Variants in FGD4 observed in about 807,000 individuals in gnomAD.
FGD4 encodes FYVE, RhoGEF and PH domain-containing protein 4.
A neutral mutation model predicts 102.0 loss-of-function variants in FGD4; 42 were observed. That is an observed-to-expected ratio of 0.41 (90% confidence interval 0.32 to 0.53). The LOEUF is 0.53. FGD4 is among the 20% of genes least tolerant of loss of function. The pLI, the probability that FGD4 is intolerant of heterozygous loss-of-function variation, is 0.21. For missense variants in FGD4, 902 were observed against 1,078.2 expected, an observed-to-expected ratio of 0.84 and a Z score of 2.29; for synonymous variants, 380 against 375.7, an observed-to-expected ratio of 1.01 and a Z score of -0.13.
chr12:32,510,779 T>G (rs1350238843), intron 1 of FGD4, among the ~76,000 whole-genome samples: 3 of 152,224 alleles, frequency 2.0e-5, no homozygotes, highest in Non-Finnish European at 4.4e-5. Flanking sequence ...TTGTAAGAGA[T>G]ATTGTAGACA....
Position 32,582,441 on chromosome 12 carries a change from C to A in FGD4, c.985C>A (p.Gln329Lys). 1 of 1,611,744 alleles carries A rather than the reference C, an allele frequency of 6.2e-7. No homozygotes were observed. Among genetic ancestry groups the A allele is most frequent in the Non-Finnish European group, 8.5e-7 (1 of 1,180,014 alleles). Residue 329 changes from glutamine to lysine, a missense_variant, in exon 4 of 17, where the codon CAG (glutamine) becomes AAG (lysine). Transcript: ENST00000534526. ...TGGGGAAAGCCCTCTGGAACTGGAG[C>A]AGCTGGACCAGCACCATGAGATGAA... ...ENGESPLELE[Q>K]LDQHHEMKET...
Position 32,641,468 on chromosome 12 carries a change from A to T in FGD4, c.*935A>T, listed in dbSNP as rs1389616797. 1 of 152,302 alleles carries T rather than the reference A, an allele frequency of 6.6e-6. No individual in the cohort carries two copies. Among genetic ancestry groups the T allele is most frequent in the East Asian group, 1.9e-4 (1 of 5,184 alleles). The allele number at this position is 152,302 out of a possible 1,614,324, so 9.4% of individuals were successfully genotyped here. A position where few individuals can be genotyped will look rare whatever the true frequency, so the allele number is the denominator to read the frequency against. On this transcript the variant is annotated 3_prime_UTR_variant, in exon 17 of 17. Transcript: ENST00000534526. ...AAGATGAGGGTTCAGTTAATGCTTC[A>T]GTCTTGATTATTCTAAGATTAAAGT...
chr12:32,610,704 A>G, intron 8 of FGD4, 72 bp from the exon 9 acceptor site: 2 of 1,364,652 alleles, frequency 1.5e-6, no homozygotes, highest in Non-Finnish European at 2.1e-6. Flanking sequence ...TTAATTTAGT[A>G]AGTTACTCAG....
At chr12:32,483,030 A>G (rs1292045529) in intron 1 of FGD4, among the ~76,000 whole-genome samples, 1 of 152,246 alleles carries the variant, frequency 6.6e-6, no homozygotes, top group Non-Finnish European at 1.5e-5. Context: ...AATTTTATCA[A>G]GATACGGAAT....
rs201186597 is a variant in FGD4, at chr12:32,619,707, A to G, written c.1759A>G (p.Met587Val). 6.6e-5 allele frequency: 106 copies of G among 1,613,952 alleles called. No individual in the cohort carries two copies. The highest frequency in any genetic ancestry group is 4.9e-4 in the Middle Eastern group (3 of 6,084). The change falls in exon 11 of 17, where the codon ATG (methionine) becomes GTG (valine). Residue 587 changes from methionine (M) to valine (V), a missense_variant. Coordinates refer to ENST00000534526, the MANE Select transcript of FGD4 (RefSeq NM_001370298.3). ...TTCTCGTTCCTTGCAGTTCAACAAC[A>G]TGTTGCTGTACTGTGTGCCCAAATT... ...QERYLFLFNN[M>V]LLYCVPKFSL...
chr12:32,540,247 A>G (rs1942696032), intron 1 of FGD4, among the ~76,000 whole-genome samples: 1 of 152,202 alleles, frequency 6.6e-6, no homozygotes. Context: ...ACTATGAGAA[A>G]TGTCATAGGA....
chr12:32,550,420 A>ATCACT (rs1451171223), intron 1 of FGD4, among the ~76,000 whole-genome samples: 1 of 152,134 alleles, frequency 6.6e-6, no homozygotes, highest in East Asian at 1.9e-4. Flanking sequence ...CTGTAATCCC[A>ATCACT]TCACTTTGGG....
At chr12:32,582,604 G>A (rs1946707066) in intron 4 of FGD4, 137 bp downstream of exon 4, 1 of 1,147,242 alleles carries the variant, frequency 8.7e-7, no homozygotes, top group Non-Finnish European at 1.3e-6. Context: ...TTCAAGCTCT[G>A]GCTGCTGATT....
chr12:32,625,536 C>A, intron 13 of FGD4, 118 bp from the exon 14 acceptor site: 1 of 1,325,462 alleles, frequency 7.5e-7, no homozygotes, highest in Non-Finnish European at 1.0e-6. Context: ...TCCGAAAGTG[C>A]TGGGATTATA....
chr12:32,399,762 G>A lies in FGD4; in HGVS notation c.-32G>A, dbSNP rs778214473. Reference sequence around the variant, plus strand: ...CGCTCGCGGCTGGACGGGAGCGGGAGGAGTCGGGGAGCGGCGGTCGAGCCC... The same window carrying A: ...CGCTCGCGGCTGGACGGGAGCGGGAAGAGTCGGGGAGCGGCGGTCGAGCCC... On this transcript the variant is annotated 5_prime_UTR_variant, in exon 1 of 17. Coordinates refer to ENST00000534526, the MANE Select transcript of FGD4 (RefSeq NM_001370298.3). 1.2e-5 allele frequency: 18 copies of A among 1,526,516 alleles called. No individual in the cohort carries two copies. Among genetic ancestry groups the A allele is most frequent in the East Asian group, 1.0e-4 (4 of 39,822 alleles). The allele number at this position is 1,526,516 out of a possible 1,614,324, so 94.6% of individuals were successfully genotyped here.
In FGD4 at chr12:32,633,651, A is replaced by G. The variant is rs1950620880; in HGVS notation, c.2275A>G (p.Thr759Ala). 1 of 1,608,328 alleles carries G rather than the reference A, an allele frequency of 6.2e-7. No homozygotes were observed. Among genetic ancestry groups the G allele is most frequent in the Non-Finnish European group, 8.5e-7 (1 of 1,174,806 alleles). Residue 759 changes from threonine to alanine, a missense_variant, in exon 15 of 17, where the codon ACA (threonine) becomes GCA (alanine). By Grantham distance (58) the Thr-to-Ala change is moderately conservative. Transcript: ENST00000534526. ...CTGTTATCAAATCATAAGTGGATTC[A>G]CAGACAGTGAAGAAAAGAAAAGAAA... Reference protein sequence around the residue: ...KDCYQIISGFTDSEEKKRKGI... With the variant: ...KDCYQIISGFADSEEKKRKGI...
intron 1 of FGD4, among the ~76,000 whole-genome samples, chr12:32,460,602 G>C (rs1943078355): frequency 6.6e-6 from 1 of 152,144 alleles, no homozygotes. Context: ...ATATCCTGGA[G>C]TGGAGAGTCA....
intron 1 of FGD4, among the ~76,000 whole-genome samples, chr12:32,466,477 T>C (rs1191063931): frequency 6.6e-6 from 1 of 152,086 alleles, no homozygotes; most frequent in African/African-American, 2.4e-5. Flanking sequence ...CTTTAACTGA[T>C]TGGATGAGGA....
At chr12:32,567,551 C>T (rs11052080) in intron 2 of FGD4, among the ~76,000 whole-genome samples, 14,320 of 152,126 alleles carry the variant, frequency 0.094, 889 homozygotes, top group Middle Eastern at 0.16. Context: ...CAGTCCACAA[C>T]AAAGAATTCG....
intron 8 of FGD4, among the ~76,000 whole-genome samples, chr12:32,609,311 A>G (rs570286000): frequency 6.6e-6 from 1 of 152,080 alleles, no homozygotes; most frequent in South Asian, 2.1e-4. Context: ...CAAACCAACT[A>G]CTTCCTATGA....
chr12:32,402,025 C>T (rs1468428120), intron 1 of FGD4, among the ~76,000 whole-genome samples: 1 of 151,492 alleles, frequency 6.6e-6, no homozygotes, highest in Non-Finnish European at 1.5e-5. Context: ...GCCTCAGCCT[C>T]CCGAGTAGCT....
At chr12:32,609,467 C>T (rs12228250) in intron 8 of FGD4, among the ~76,000 whole-genome samples, 2,099 of 152,244 alleles carry the variant, frequency 0.014, 76 homozygotes, top group East Asian at 0.12. Context: ...CTTATTTTGT[C>T]TTCCTCTATC....
chr12:32,600,591 T>TA, intron 5 of FGD4: 3 of 337,824 alleles, frequency 8.9e-6, no homozygotes, highest in Non-Finnish European at 1.3e-5. Context: ...TTTCTTTCTT[T>TA]CTTTTTTTTT....
intron 1 of FGD4, chr12:32,534,397 G>C (rs1018461649): frequency 6.7e-7 from 1 of 1,499,396 alleles, no homozygotes; most frequent in Non-Finnish European, 8.8e-7. Flanking sequence ...CCAGGAGTGA[G>C]ATTTTATCAC....
Sources: allele counts gnomAD v4.1 joint callset (sites outside exome capture counted in the v4.1 genomes callset), GRCh38; gene constraint gnomAD v4.1.1; transcripts MANE v1.5; gene names NCBI Gene and HGNC (gene_info 2026-07-23, HGNC 2026-07-21).